The following FFAR1 variants were observed in gnomAD, a reference collection of about 807,000 sequenced individuals.
The protein encoded by FFAR1 is free fatty acid receptor 1, also known as G-protein coupled receptor 40.
For synonymous variants in FFAR1, 216 were observed against 201.5 expected (o/e 1.07, Z -0.61); for missense variants, 424 against 396.2 (o/e 1.07, Z -0.60).
At chr19:35,351,012 C>T (rs2066941971), upstream of FFAR1, among the ~76,000 whole-genome samples, 1 of 152,154 alleles carries the variant, frequency 6.6e-6, no homozygotes, top group Non-Finnish European at 1.5e-5. Flanking sequence ...GCCACACCCT[C>T]ACCTTATCCA....
upstream of FFAR1, among the ~76,000 whole-genome samples, chr19:35,351,028 T>G (rs1469916213): frequency 1.3e-5 from 2 of 151,964 alleles, no homozygotes; most frequent in Non-Finnish European, 2.9e-5. Flanking sequence ...ATCCACACCC[T>G]TCTCCTCCCT....
upstream of FFAR1, among the ~76,000 whole-genome samples, chr19:35,350,544 C>T (rs547777497): frequency 6.6e-6 from 1 of 152,276 alleles, no homozygotes; most frequent in South Asian, 2.1e-4. Flanking sequence ...GCCGAGCCCC[C>T]AAGCCCTGCT....
At chr19:35,349,512 C>A (rs569286542), upstream of FFAR1, among the ~76,000 whole-genome samples, 5 of 152,218 alleles carry the variant, frequency 3.3e-5, no homozygotes, top group Non-Finnish European at 5.9e-5. Flanking sequence ...TCACAGCGGG[C>A]GCTGCACCCC....
exon 1 of FFAR1, chr19:35,352,021 C>A: frequency 1.2e-6 from 2 of 1,614,130 alleles, no homozygotes; most frequent in Non-Finnish European, 1.7e-6. Flanking sequence ...AGCAACACCT[C>A]CCTGGGCATC....
At chr19:35,352,438 G>C (rs543539181) in exon 1 of FFAR1, 13 of 1,553,598 alleles carry the variant, frequency 8.4e-6, no homozygotes. Context: ...ACGCAAGGGG[G>C]CAAGTCCCAG....
At chr19:35,352,167 C>T (rs770861016) in exon 1 of FFAR1, 2 of 1,608,962 alleles carry the variant, frequency 1.2e-6, no homozygotes, top group Non-Finnish European at 1.7e-6. Context: ...CGTGGGCTGC[C>T]TCCGGGCACT....
upstream of FFAR1, among the ~76,000 whole-genome samples, chr19:35,351,278 G>A (rs2066943060): frequency 6.6e-6 from 1 of 152,210 alleles, no homozygotes; most frequent in African/African-American, 2.4e-5. Context: ...CGCTGCAGGA[G>A]CTTCCCTGGT....
At chr19:35,351,719 A>G in exon 1 of FFAR1, 2 of 1,565,398 alleles carry the variant, frequency 1.3e-6, no homozygotes, top group Non-Finnish European at 1.7e-6. Context: ...TGCTGCTGAC[A>G]GTCTCTCTGC....
chr19:35,351,483 G>T, upstream of FFAR1: 1 of 1,460,984 alleles, frequency 6.8e-7, no homozygotes, highest in Non-Finnish European at 9.3e-7. Context: ...CTCCTCTCCG[G>T]GGCCCCAAGA....
At chr19:35,352,119 C>A (rs767501751) in exon 1 of FFAR1, 15 of 1,611,950 alleles carry the variant, frequency 9.3e-6, no homozygotes, top group African/African-American at 4.0e-5. Flanking sequence ...CTCTCTCCTG[C>A]TCTTTTTTCT....
chr19:35,352,665 GC>G (rs1181162204), exon 1 of FFAR1: 1 of 599,912 alleles, frequency 1.7e-6, no homozygotes, highest in Admixed American at 3.0e-5. Flanking sequence ...AGGTAAGTTT[GC>G]CCCTGCACGT....
At chr19:35,351,027 C>A (rs956201027), upstream of FFAR1, among the ~76,000 whole-genome samples, 5 of 152,170 alleles carry the variant, frequency 3.3e-5, no homozygotes, top group African/African-American at 9.7e-5. Flanking sequence ...TATCCACACC[C>A]TTCTCCTCCC....
At chr19:35,350,523 G>T (rs143074376), upstream of FFAR1, among the ~76,000 whole-genome samples, 149 of 152,220 alleles carry the variant, frequency 9.8e-4, no homozygotes, top group Middle Eastern at 3.4e-3. Context: ...AGGGAATAGC[G>T]CTGGGTTGTG....
At chr19:35,352,754 G>A in exon 1 of FFAR1, 1 of 468,188 alleles carries the variant, frequency 2.1e-6, no homozygotes, top group Non-Finnish European at 3.9e-6. Flanking sequence ...TCCGTGGGCC[G>A]CGAGCAGAGG....
At chr19:35,350,548 C>A (rs1342072537), upstream of FFAR1, among the ~76,000 whole-genome samples, 1 of 152,166 alleles carries the variant, frequency 6.6e-6, no homozygotes, top group African/African-American at 2.4e-5. Context: ...AGCCCCCAAG[C>A]CCTGCTCTTG....
At chr19:35,348,463 G>A (rs1336218786), upstream of FFAR1, among the ~76,000 whole-genome samples, 2 of 152,180 alleles carry the variant, frequency 1.3e-5, no homozygotes. Flanking sequence ...GCTGAGCGTG[G>A]TGATTCACAC....
Position 35,351,654 on chromosome 19 carries a change from C to T in FFAR1, c.103C>T (p.Arg35Trp), listed in dbSNP as rs759823354. The change falls in exon 1 of 1, where the codon CGG becomes TGG. Residue 35 changes from arginine to tryptophan, a missense_variant. By Grantham distance (101) the Arg-to-Trp change is moderately radical. Transcript: ENST00000246553. ...CATCCGAGGCGCGACGGCCCACGCC[C>T]GGCTCCGTCTCACCCCTAGCCTGGT... is the stretch of plus-strand genomic sequence containing the variant. The T allele has an allele frequency of 8.4e-6, 13 of 1,550,346 alleles. No individual in the cohort carries two copies. The highest frequency in any genetic ancestry group is 7.7e-5 in the Admixed American group (4 of 51,980).
At chr19:35,352,053 C>A in exon 1 of FFAR1, 1 of 1,613,846 alleles carries the variant, frequency 6.2e-7, no homozygotes, top group Non-Finnish European at 8.5e-7. Context: ...CAACGGCTCT[C>A]CGGTCTGCCT....
exon 1 of FFAR1, chr19:35,351,684 G>T: frequency 6.4e-7 from 1 of 1,561,448 alleles, no homozygotes; most frequent in Non-Finnish European, 8.6e-7. Context: ...CCTGGTCTAC[G>T]CCCTGAACCT....
Sources: gnomAD v4.1 joint callset for allele counts (sites outside exome capture counted in the v4.1 genomes callset) on GRCh38, gnomAD v4.1.1 for gene constraint, MANE v1.5 for transcripts, NCBI Gene and HGNC (gene_info 2026-07-23, HGNC 2026-07-21) for gene names.